RBM47: variants seen among roughly 807,000 people sequenced by gnomAD.
RBM47 encodes RNA binding motif protein 47, also known as RNA-binding protein 47.
In RBM47, 21 loss-of-function variants were observed where a neutral mutation model predicts 47.1. That is an observed-to-expected ratio of 0.45 (90% CI 0.32 to 0.64). The LOEUF (loss-of-function observed/expected upper bound fraction) is 0.64. Among genes scored for constraint, RBM47 ranks in the 30% least tolerant of loss-of-function variants. RBM47 has a pLI of 0.05. For synonymous variants in RBM47, 375 were observed against 361.7 expected (o/e 1.04, Z -0.42); for missense variants, 708 against 870.9 (o/e 0.81, Z 2.35).
At chr4:40,546,037 C>T (rs560045435) in intron 1 of RBM47, among the ~76,000 whole-genome samples, 1 of 152,294 alleles carries the variant, frequency 6.6e-6, no homozygotes, top group East Asian at 1.9e-4. Context: ...ATTTAAATCA[C>T]TATGAGTTGT....
At position 40,626,426 on chromosome 4, in the gene RBM47, G is replaced by A. The variant is rs77106570; in HGVS notation, c.-240+2970C>T. Among the ~76,000 whole-genome samples, 959 of 152,238 alleles carry A rather than the reference G, an allele frequency of 6.3e-3. 8 individuals are homozygous for A. Among genetic ancestry groups the A allele is most frequent in the Middle Eastern group, 0.037 (11 of 294 alleles). On this transcript the variant is annotated intron_variant, in intron 1 of 6. Transcript: ENST00000295971. ...GAACATTTGAATTACAAAAGGAGAG[G>A]AGGAGCCTCCACTTCCCACAGTTGC... is the stretch of plus-strand genomic sequence containing the variant.
chr4:40,424,129 T>C lies in RBM47; in HGVS notation c.*1775A>G, dbSNP rs2154206917. 1 of 152,310 alleles carries C rather than the reference T, an allele frequency of 6.6e-6. No individual in the cohort carries two copies. Among genetic ancestry groups the C allele is most frequent in the Non-Finnish European group, 1.5e-5 (1 of 68,026 alleles). 9.4% of individuals were successfully genotyped at this position (152,310 alleles called of 1,614,324 possible). Reference sequence around the variant, plus strand: ...TGAGGGGGAAAAAGGCATTTGGGAATCTCTTAATTTAAAACAAAACAAAAG... The same window carrying C: ...TGAGGGGGAAAAAGGCATTTGGGAACCTCTTAATTTAAAACAAAACAAAAG... On this transcript the variant is annotated 3_prime_UTR_variant, in exon 7 of 7. Transcript: ENST00000295971.
chr4:40,600,923 T>A (rs528126837), intron 1 of RBM47, among the ~76,000 whole-genome samples: 1 of 132,512 alleles, frequency 7.5e-6, no homozygotes, highest in Non-Finnish European at 1.5e-5. Flanking sequence ...AGGCGGAGTT[T>A]GCGGTAAGCC....
chr4:40,497,142 G>T (rs1483112330), intron 2 of RBM47, among the ~76,000 whole-genome samples: 1 of 151,922 alleles, frequency 6.6e-6, no homozygotes, highest in Non-Finnish European at 1.5e-5. Context: ...GGCACAGCAA[G>T]ATCTGAATCC....
chr4:40,538,367 G>A (rs1336538450), intron 2 of RBM47, among the ~76,000 whole-genome samples: 6 of 132,666 alleles, frequency 4.5e-5, no homozygotes, highest in East Asian at 2.2e-4. Context: ...TTGCTCTGTC[G>A]CCAGGCTGGA....
rs116747984 is a variant in RBM47 at position 40,534,653 on chromosome 4, G to A, written c.-155+9769C>T. ...GCTGGTAGTTAAAAAATGCAAACTC[G>A]GCCGGGTGCGGTGGCTCACGCCTGT... On this transcript the variant is annotated intron_variant, in intron 2 of 6. Transcript: ENST00000295971. 7.2e-3 allele frequency among the ~76,000 whole-genome samples: 1,096 copies of A among 152,140 alleles called. 17 individuals carry two copies. Among genetic ancestry groups the A allele is most frequent in the African/African-American group, 0.025 (1,056 of 41,520 alleles).
intron 2 of RBM47, among the ~76,000 whole-genome samples, chr4:40,530,300 T>A (rs1448376529): frequency 7.2e-5 from 11 of 151,854 alleles, no homozygotes; most frequent in African/African-American, 2.4e-4. Context: ...AAATTATTAT[T>A]ATTTTTCTTC....
intron 3 of RBM47, among the ~76,000 whole-genome samples, chr4:40,441,897 T>C (rs1273657807): frequency 6.6e-6 from 1 of 152,254 alleles, no homozygotes; most frequent in Non-Finnish European, 1.5e-5. Flanking sequence ...AGAAAAGCCT[T>C]TCTTCACCTA....
At chr4:40,575,781 A>G (rs1312323709) in intron 1 of RBM47, among the ~76,000 whole-genome samples, 1 of 152,190 alleles carries the variant, frequency 6.6e-6, no homozygotes, top group Non-Finnish European at 1.5e-5. Flanking sequence ...CCAAGAGTAC[A>G]GTGATATTTG....
chr4:40,449,614 G>C (rs1338466341), intron 3 of RBM47, among the ~76,000 whole-genome samples: 2 of 152,178 alleles, frequency 1.3e-5, no homozygotes, highest in African/African-American at 4.8e-5. Context: ...CCCGAAAGGG[G>C]TGGAGTGGGG....
intron 1 of RBM47, among the ~76,000 whole-genome samples, chr4:40,554,672 GA>G (rs1372873224): frequency 6.6e-6 from 1 of 151,772 alleles, no homozygotes; most frequent in African/African-American, 2.4e-5. Flanking sequence ...TCTAGAGGAA[GA>G]AAAAAAATTT....
chr4:40,533,502 A>T (rs149192472), intron 2 of RBM47, among the ~76,000 whole-genome samples: 23 of 152,092 alleles, frequency 1.5e-4, no homozygotes, highest in Non-Finnish European at 3.2e-4. Flanking sequence ...ATACAAAGAC[A>T]TTCATCAGGC....
chr4:40,540,622 G>A (rs567949344), intron 2 of RBM47, among the ~76,000 whole-genome samples: 28 of 141,564 alleles, frequency 2.0e-4, no homozygotes, highest in Admixed American at 5.7e-4. Context: ...TAGGTAACAG[G>A]AGTGAAACTC....
At chr4:40,495,764 T>C (rs997899416) in intron 2 of RBM47, among the ~76,000 whole-genome samples, 2 of 152,212 alleles carry the variant, frequency 1.3e-5, no homozygotes, top group Non-Finnish European at 2.9e-5. Context: ...ACAAAGCACA[T>C]TGTAATCAAA....
intron 2 of RBM47, among the ~76,000 whole-genome samples, chr4:40,538,274 C>T (rs1451019223): frequency 6.6e-6 from 1 of 151,256 alleles, no homozygotes; most frequent in Non-Finnish European, 1.5e-5. Flanking sequence ...ACTTCTACTG[C>T]ATTTTCAAAT....
In RBM47 at chr4:40,425,982, T is replaced by C; in HGVS notation, c.1704A>G (p.Gly568=). Reference sequence around the variant, plus strand: ...AGGCCTGAGGTATGTAGCCTGCGTATCCTCCATACATGGCGGCCGCGGCTG... The same window carrying C: ...AGGCCTGAGGTATGTAGCCTGCGTACCCTCCATACATGGCGGCCGCGGCTG... The part of the protein sequence containing the change: ...NAAAAAAMYG[G]YAGYIPQAFP... The change falls in exon 7 of 7, where the codon GGA becomes GGG. Residue 568 remains glycine, a synonymous_variant. Transcript: ENST00000295971. 2 of 1,614,146 alleles carry C rather than the reference T, an allele frequency of 1.2e-6. No homozygotes were observed. The highest frequency in any genetic ancestry group is 8.5e-7 in the Non-Finnish European group (1 of 1,180,032).
At chr4:40,483,579 C>G (rs193044917) in intron 2 of RBM47, among the ~76,000 whole-genome samples, 2 of 152,252 alleles carry the variant, frequency 1.3e-5, no homozygotes, top group East Asian at 3.9e-4. Context: ...GCCGGTAATC[C>G]CAGCTACTCG....
At chr4:40,609,860 TGAG>T (rs1223578047) in intron 1 of RBM47, among the ~76,000 whole-genome samples, 2 of 150,620 alleles carry the variant, frequency 1.3e-5, no homozygotes, top group African/African-American at 2.4e-5. Flanking sequence ...TTTGGGAGGC[TGAG>T]GAGGGCAGAT....
At chr4:40,568,947 C>T (rs1731380893) in intron 1 of RBM47, among the ~76,000 whole-genome samples, 1 of 151,378 alleles carries the variant, frequency 6.6e-6, no homozygotes, top group South Asian at 2.1e-4. Flanking sequence ...CGCCATTGCA[C>T]TCCAGCCTGG....
Sources: gnomAD v4.1 joint callset for allele counts (sites outside exome capture counted in the v4.1 genomes callset) on GRCh38, gnomAD v4.1.1 for gene constraint, MANE v1.5 for transcripts, NCBI Gene and HGNC (gene_info 2026-07-23, HGNC 2026-07-21) for gene names.